HTT: variants seen among roughly 807,000 people sequenced by gnomAD.
HTT encodes huntingtin.
A neutral mutation model predicts 362.3 loss-of-function variants in HTT; 104 were observed. That is an observed-to-expected ratio of 0.29 (90% CI 0.24 to 0.34). The LOEUF is 0.34. Ranked by LOEUF, HTT falls within the 10% of genes least tolerant of loss-of-function variation. The probability of loss-of-function intolerance (pLI) is 1.00; values close to 1 mark genes in which losing one functional copy is unlikely to be tolerated. For missense variants in HTT, 3,301 were observed against 3,928.6 expected (o/e 0.84, Z 4.27); for synonymous variants, 1,577 against 1,548.7 (o/e 1.02, Z -0.43).
chr4:3,198,490 G>A (rs1312435934), intron 40 of HTT, among the ~76,000 whole-genome samples: 1 of 152,126 alleles, frequency 6.6e-6, no homozygotes, highest in Non-Finnish European at 1.5e-5. Flanking sequence ...CTCCCAAAGT[G>A]CTGTGATTAT....
chr4:3,075,647 C>CGGGG (rs1560535774), intron 1 of HTT, among the ~76,000 whole-genome samples: 26 of 61,640 alleles, frequency 4.2e-4, no homozygotes, highest in Non-Finnish European at 5.3e-4. Flanking sequence ...AGTGGCGGGG[C>CGGGG]AGGGGGGGGG....
intron 26 of HTT, among the ~76,000 whole-genome samples, chr4:3,151,707 C>T (rs1442305295): frequency 3.9e-5 from 6 of 152,172 alleles, no homozygotes; most frequent in Non-Finnish European, 7.3e-5. Context: ...AACCATCCCC[C>T]GCCAACCCTG....
chr4:3,233,373 G>T lies in HTT; in HGVS notation c.8456+20G>T. ...CGCCCAGTGAGTGGGAGCCTGGCTG[G>T]GGCTGGGGCGGGGGTCTCAGAATGA... On this transcript the variant is annotated intron_variant, in intron 61 of 66. Transcript: ENST00000355072. 1.9e-6 allele frequency: 3 copies of T among 1,581,428 alleles called. No individual in the cohort carries two copies. Among genetic ancestry groups the T allele is most frequent in the South Asian group, 1.1e-5 (1 of 89,684 alleles).
chr4:3,155,763 T>C (rs988239246), intron 27 of HTT, among the ~76,000 whole-genome samples: 2 of 138,256 alleles, frequency 1.4e-5, no homozygotes, highest in African/African-American at 5.4e-5. Context: ...CCGGGCATGG[T>C]GGCTCGCGCC....
chr4:3,085,328 C>T (rs1179706851), intron 1 of HTT, among the ~76,000 whole-genome samples: 6 of 151,934 alleles, frequency 3.9e-5, no homozygotes, highest in African/African-American at 7.3e-5. Context: ...AGTAGAGCAG[C>T]GTTTCACCAT....
intron 49 of HTT, 100 bp from the exon 50 acceptor site, chr4:3,213,858 G>C: frequency 9.2e-7 from 1 of 1,087,372 alleles, no homozygotes; most frequent in Non-Finnish European, 1.3e-6. Flanking sequence ...TGGACGCGCT[G>C]CCCCTCAGTG....
intron 26 of HTT, among the ~76,000 whole-genome samples, chr4:3,150,144 T>C (rs1051694658): frequency 1.3e-5 from 2 of 152,180 alleles, no homozygotes; most frequent in African/African-American, 4.8e-5. Flanking sequence ...CTCTTTGTAG[T>C]CTCTGGGCCA....
At chr4:3,129,743 G>T in intron 12 of HTT, 181 bp from the exon 13 acceptor site, 1 of 585,990 alleles carries the variant, frequency 1.7e-6, no homozygotes, top group East Asian at 3.2e-5. Context: ...GGGAATGAGT[G>T]ATCAGTAAGC....
At position 3,233,359 on chromosome 4, in the gene HTT, T is replaced by TGGGA. The variant is rs752873637; in HGVS notation, c.8456+8_8456+11dup. ...AACCTGAAAGGGATCGCCCAGTGAGTGGGAGCCTGGCTGGGGCTGGGGCGG... is the reference window on the plus strand; with the variant it reads ...AACCTGAAAGGGATCGCCCAGTGAGTGGGAGGGAGCCTGGCTGGGGCTGGGGCGG... On this transcript the variant is annotated splice_region_variant and intron_variant, in intron 61 of 66. Transcript: ENST00000355072. 18 of 1,588,168 alleles carry TGGGA rather than the reference T, an allele frequency of 1.1e-5. No individual in the cohort carries two copies. The highest frequency in any genetic ancestry group is 1.5e-5 in the Non-Finnish European group (17 of 1,159,476).
Position 3,132,809 on chromosome 4 carries a change from G to T in HTT, c.2396-5G>T, listed in dbSNP as rs780039514. ...ATGATGTTTGTTGCTTGTTCTTCTG[G>T]TTAGGAAATACATTTTCTTTGGCGG... On this transcript the variant is annotated splice_polypyrimidine_tract_variant and splice_region_variant and intron_variant, in intron 17 of 66. Coordinates refer to ENST00000355072, the MANE Select transcript of HTT (RefSeq NM_001388492.1). 18 of 1,613,638 alleles carry T rather than the reference G, an allele frequency of 1.1e-5. No homozygotes were observed. The highest frequency in any genetic ancestry group is 3.3e-4 in the Middle Eastern group (2 of 6,084).
At chr4:3,213,677 C>T (rs555220512) in intron 49 of HTT, among the ~76,000 whole-genome samples, 10 of 152,330 alleles carry the variant, frequency 6.6e-5, no homozygotes, top group South Asian at 2.1e-4. Context: ...CTGGTGGCCA[C>T]GTAGCCCAGG....
intron 53 of HTT, 119 bp from the exon 54 acceptor site, chr4:3,222,268 C>G (rs1720708668): frequency 1.4e-6 from 1 of 711,372 alleles, no homozygotes; most frequent in African/African-American, 1.8e-5. Flanking sequence ...GTTTAAGGGA[C>G]TCACTGCCCT....
intron 11 of HTT, among the ~76,000 whole-genome samples, chr4:3,126,878 G>A (rs1216997046): frequency 6.6e-6 from 1 of 152,214 alleles, no homozygotes; most frequent in Non-Finnish European, 1.5e-5. Context: ...TCTGACCACT[G>A]CTTGCTTAGA....
chr4:3,143,644 C>T (rs1346896010), intron 23 of HTT, among the ~76,000 whole-genome samples: 1 of 149,872 alleles, frequency 6.7e-6, no homozygotes, highest in Admixed American at 6.6e-5. Context: ...GCTCTTGTTG[C>T]CCAGGCTGGA....
intron 37 of HTT, among the ~76,000 whole-genome samples, chr4:3,183,739 G>A (rs1008837163): frequency 6.6e-6 from 1 of 152,182 alleles, no homozygotes; most frequent in African/African-American, 2.4e-5. Flanking sequence ...ATTCTTTTCT[G>A]TGCGTAATCT....
rs1310324474 is a variant in HTT, at chr4:3,199,668, G to A, written c.5369-64G>A. ...TGTTTCATTTTTATGTAAAATCTTC[G>A]CGTAGCCATGTGGCACTGGACCGAG... On this transcript the variant is annotated intron_variant, in intron 40 of 66. Transcript: ENST00000355072. 1.5e-5 allele frequency: 21 copies of A among 1,412,886 alleles called. No individual in the cohort carries two copies. In the Admixed American group the frequency reaches 1.9e-4, roughly 13 times the overall value. The allele number at this position is 1,412,886 out of a possible 1,614,324, so 87.5% of individuals were successfully genotyped here. A position where few individuals can be genotyped will look rare whatever the true frequency, so the allele number is the denominator to read the frequency against.
rs1721024859 is a variant in HTT, at chr4:3,228,391, G to A, written c.7849-224G>A. 6.6e-6 allele frequency among the ~76,000 whole-genome samples: 1 copy of A among 152,188 alleles called. No homozygotes were observed. Among genetic ancestry groups the A allele is most frequent in the African/African-American group, 2.4e-5 (1 of 41,432 alleles). Reference sequence around the variant, plus strand: ...CTGCTCCTGGGGTTGACTGGCCCCTGATTCATGCCTTTAGCATGTGCTGGA... The same window carrying A: ...CTGCTCCTGGGGTTGACTGGCCCCTAATTCATGCCTTTAGCATGTGCTGGA... On this transcript the variant is annotated intron_variant, in intron 57 of 66. Coordinates refer to ENST00000355072, the MANE Select transcript of HTT (RefSeq NM_001388492.1). The surrounding 1 kb of genome is among the most constrained non-coding windows in gnomAD (Gnocchi z 4.3).
intron 33 of HTT, among the ~76,000 whole-genome samples, chr4:3,177,128 G>A (rs1310994341): frequency 6.6e-6 from 1 of 152,130 alleles, no homozygotes; most frequent in Non-Finnish European, 1.5e-5. Flanking sequence ...TTCACCTCAG[G>A]GTATAGTAAA....
In HTT at chr4:3,243,832, C is replaced by T. The variant is rs1023392811; in HGVS notation, c.*3773C>T. 1 of 152,202 alleles carries T rather than the reference C, an allele frequency of 6.6e-6. No homozygotes were observed. The highest frequency in any genetic ancestry group is 1.5e-5 in the Non-Finnish European group (1 of 68,054). 9.4% of individuals were successfully genotyped at this position (152,202 alleles called of 1,614,324 possible). On this transcript the variant is annotated 3_prime_UTR_variant, in exon 67 of 67. Transcript: ENST00000355072. ...GCCAGCAGGGCTGTGATGGGCGAGT[C>T]CCGGAGCCCCACCCAGACCTGAATG...
Sources: gnomAD v4.1 joint callset for allele counts (sites outside exome capture counted in the v4.1 genomes callset) on GRCh38, gnomAD v4.1.1 for gene constraint, Gnocchi (gnomAD v3.1) non-coding constraint, MANE v1.5 for transcripts, NCBI Gene and HGNC (gene_info 2026-07-23, HGNC 2026-07-21) for gene names.